Variants in EPS15 observed in about 807,000 individuals in gnomAD.
The protein encoded by EPS15 is epidermal growth factor receptor pathway substrate 15.
In EPS15, 72 loss-of-function variants were observed where a neutral mutation model predicts 113.8. The ratio of observed to expected loss-of-function variants is 0.63; its 90% confidence interval spans 0.52 to 0.77. The LOEUF (loss-of-function observed/expected upper bound fraction) is 0.77. Among genes scored for constraint, EPS15 ranks in the 30% least tolerant of loss-of-function variants. EPS15 has a pLI of 0.00. For synonymous variants in EPS15, 344 were observed against 363.4 expected, an observed-to-expected ratio of 0.95 and a Z score of 0.61; for missense variants, 1,048 against 1,045.8, an observed-to-expected ratio of 1.00 and a Z score of -0.03.
Position 51,356,514 on chromosome 1 carries a change from A to G in EPS15, c.*186T>C. On this transcript the variant is annotated 3_prime_UTR_variant, in exon 25 of 25. Transcript: ENST00000371733. ...TGTCTGACTGGGTTACGGCTTTTAT[A>G]AGAAAAAAAAAAAAAGACGAATCTG... 2.0e-6 allele frequency: 1 copy of G among 511,838 alleles called. No homozygotes were observed. Among genetic ancestry groups the G allele is most frequent in the Non-Finnish European group, 3.3e-6 (1 of 298,868 alleles). 31.7% of individuals were successfully genotyped at this position (511,838 alleles called of 1,614,324 possible).
intron 13 of EPS15, among the ~76,000 whole-genome samples, chr1:51,413,026 AT>A (rs1649875588): frequency 6.6e-6 from 1 of 152,212 alleles, no homozygotes. Context: ...TGCAAGACAC[AT>A]TAAAACCTTC....
At chr1:51,490,585 A>C (rs1421908433) in intron 1 of EPS15, among the ~76,000 whole-genome samples, 2 of 145,524 alleles carry the variant, frequency 1.4e-5, no homozygotes, top group Admixed American at 7.0e-5. Context: ...AAAAAAAAAA[A>C]CAGAAGTGAA....
chr1:51,441,305 T>C (rs1294478750), intron 11 of EPS15, among the ~76,000 whole-genome samples: 1 of 152,078 alleles, frequency 6.6e-6, no homozygotes, highest in African/African-American at 2.4e-5. Context: ...TGGCCTCCCA[T>C]TGAGTTGTTT....
At chr1:51,374,080 G>C (rs1306694911) in intron 21 of EPS15, among the ~76,000 whole-genome samples, 1 of 152,188 alleles carries the variant, frequency 6.6e-6, no homozygotes, top group African/African-American at 2.4e-5. Context: ...CGTTTAGCCT[G>C]AGTCATTGCC....
At chr1:51,444,674 T>A (rs532204060) in intron 11 of EPS15, among the ~76,000 whole-genome samples, 61 of 152,340 alleles carry the variant, frequency 4.0e-4, no homozygotes, top group African/African-American at 1.2e-3. Flanking sequence ...ATAGTTGTCA[T>A]GTTTAATGAA....
At chr1:51,492,204 G>A (rs1175361889) in intron 1 of EPS15, among the ~76,000 whole-genome samples, 1 of 152,160 alleles carries the variant, frequency 6.6e-6, no homozygotes, top group East Asian at 1.9e-4. Context: ...CAAGACAATA[G>A]GTTAAGGTGT....
intron 8 of EPS15, 93 bp downstream of exon 8, chr1:51,460,998 A>G: frequency 1.2e-6 from 1 of 830,426 alleles, no homozygotes; most frequent in Non-Finnish European, 2.0e-6. Context: ...TGATGAGAAT[A>G]TAGTTTTCCT....
rs778788955 is a variant in EPS15 at position 51,408,208 on chromosome 1, C to T, written c.1400G>A (p.Ser467Asn). The change falls in exon 15 of 25, where the codon AGT (serine) becomes AAT (asparagine). Residue 467 changes from serine (S) to asparagine (N), a missense_variant. Coordinates refer to ENST00000371733, the MANE Select transcript of EPS15 (RefSeq NM_001981.3). ...CAACTGAGCCTTCCCTGACTCTACA[C>T]TCTCCTCCAATTCTGCTGTTTCTTG... ...LQQETAELEESVESGKAQLEP... is the reference protein window; with the variant it reads ...LQQETAELEENVESGKAQLEP... 3.1e-6 allele frequency: 5 copies of T among 1,613,996 alleles called. No homozygotes were observed. In the Admixed American group the frequency reaches 5.0e-5, roughly 16 times the overall value.
At chr1:51,434,900 G>A (rs1384792225) in intron 12 of EPS15, among the ~76,000 whole-genome samples, 7 of 152,046 alleles carry the variant, frequency 4.6e-5, no homozygotes, top group Admixed American at 3.3e-4. Context: ...TCGAACTCCT[G>A]ACCTGAGGTG....
In EPS15 at chr1:51,451,505, A is replaced by AAAAAGAAAG. The variant is rs763389428; in HGVS notation, c.562-3371_562-3370insCTTTCTTTT. Reference sequence around the variant, plus strand: ...GACTCCATCTCAAAAAAAAAAAAAAAAAAGAAAGAAAGAAAGAAAAGAAAA... The same window carrying AAAAAGAAAG: ...GACTCCATCTCAAAAAAAAAAAAAAAAAAAGAAAGAAAGAAAGAAAGAAAGAAAAGAAAA... On this transcript the variant is annotated intron_variant, in intron 8 of 24. Transcript: ENST00000371733. 5.0e-4 allele frequency among the ~76,000 whole-genome samples: 74 copies of AAAAAGAAAG among 147,642 alleles called. 1 individual carries two copies. Among genetic ancestry groups the AAAAAGAAAG allele is most frequent in the African/African-American group, 1.6e-3 (63 of 40,054 alleles).
intron 1 of EPS15, among the ~76,000 whole-genome samples, chr1:51,497,613 T>C (rs182816116): frequency 6.6e-6 from 1 of 152,272 alleles, no homozygotes; most frequent in East Asian, 1.9e-4. Flanking sequence ...GACATATAAA[T>C]ATTCGTTAAA....
intron 14 of EPS15, among the ~76,000 whole-genome samples, 160 bp from the exon 15 acceptor site, chr1:51,408,492 A>T (rs1187176063): frequency 1.3e-5 from 2 of 152,098 alleles, no homozygotes; most frequent in Non-Finnish European, 2.9e-5. Context: ...TGAGAGAGAG[A>T]GTCTTGCTAT....
At chr1:51,493,561 T>C (rs1372717368) in intron 1 of EPS15, among the ~76,000 whole-genome samples, 1 of 148,660 alleles carries the variant, frequency 6.7e-6, no homozygotes, top group Non-Finnish European at 1.5e-5. Flanking sequence ...AATAAATAAA[T>C]AAATAAATAA....
chr1:51,470,203 T>C (rs531811373), intron 4 of EPS15, among the ~76,000 whole-genome samples: 2 of 152,294 alleles, frequency 1.3e-5, no homozygotes, highest in East Asian at 3.9e-4. Flanking sequence ...GTTAAAACCC[T>C]TCCATAATAG....
chr1:51,458,216 A>G (rs1235725710), intron 8 of EPS15: 1 of 152,458 alleles, frequency 6.6e-6, no homozygotes, highest in Non-Finnish European at 1.5e-5. Flanking sequence ...AGGAGAAGAT[A>G]AAGGGGTGTC....
chr1:51,408,152 G>T lies in EPS15; in HGVS notation c.1456C>A (p.Gln486Lys), dbSNP rs759967315. Reference protein sequence around the residue: ...EPLQQHLQDSQQEISSMQMKL... With the variant: ...EPLQQHLQDSKQEISSMQMKL... ...AGACTTACTGAACTAATTTCCTGTT[G>T]TGAATCTTGTAGGTGCTGCTGAAGA... Residue 486 changes from glutamine to lysine, a missense_variant, in exon 15 of 25, where the codon CAA becomes AAA. By Grantham distance (53) the Gln-to-Lys change is moderately conservative. Coordinates refer to ENST00000371733, the MANE Select transcript of EPS15 (RefSeq NM_001981.3). The T allele has an allele frequency of 1.2e-6, 2 of 1,613,986 alleles. No homozygotes were observed. Among genetic ancestry groups the T allele is most frequent in the South Asian group, 2.2e-5 (2 of 91,082 alleles).
intron 24 of EPS15, among the ~76,000 whole-genome samples, chr1:51,357,426 A>C (rs11805065): frequency 7.5e-5 from 4 of 53,526 alleles, no homozygotes; most frequent in African/African-American, 9.7e-5. Flanking sequence ...ATATATATAT[A>C]TTTTTTTTTT....
chr1:51,493,623 G>C (rs1021083619), intron 1 of EPS15, among the ~76,000 whole-genome samples: 5 of 150,186 alleles, frequency 3.3e-5, no homozygotes, highest in East Asian at 2.0e-4. Flanking sequence ...TTCTTTTTTT[G>C]GGGGGTGGAT....
At chr1:51,442,602 T>C (rs1433368077) in intron 11 of EPS15, among the ~76,000 whole-genome samples, 1 of 152,192 alleles carries the variant, frequency 6.6e-6, no homozygotes, top group African/African-American at 2.4e-5. Context: ...CCTATTCTTG[T>C]GCATTACACA....
Sources: gnomAD v4.1 joint callset for allele counts (sites outside exome capture counted in the v4.1 genomes callset) on GRCh38, gnomAD v4.1.1 for gene constraint, MANE v1.5 for transcripts, NCBI Gene and HGNC (gene_info 2026-07-23, HGNC 2026-07-21) for gene names.